Variants in ZNF10 observed in about 807,000 individuals in gnomAD.
ZNF10 encodes zinc finger protein 10 (KOX 1).
ZNF10 carries 8 observed loss-of-function variants against 12.2 expected under a neutral mutation model. The observed-to-expected ratio is 0.66, with a 90% CI of 0.39 to 1.18. The LOEUF (loss-of-function observed/expected upper bound fraction) is 1.18, where lower values mean the gene tolerates loss of function less well. Among genes scored for constraint, ZNF10 ranks in the 50% most tolerant of loss-of-function variants. The probability of loss-of-function intolerance (pLI) is 0.01; values close to 1 mark genes in which losing one functional copy is unlikely to be tolerated. For missense variants in ZNF10, 603 were observed against 678.9 expected, an observed-to-expected ratio of 0.89 and a Z score of 1.24; for synonymous variants, 229 against 228.2, an observed-to-expected ratio of 1.00 and a Z score of -0.03.
In ZNF10 at chr12:133,144,154, A is replaced by G. The variant is rs549240746; in HGVS notation, c.-59-280A>G. 38 of 180,418 alleles carry G rather than the reference A, an allele frequency of 2.1e-4. No individual in the cohort carries two copies. The East Asian group carries it at 4.9e-3, about 23-fold the overall frequency. 11.2% of individuals were successfully genotyped at this position (180,418 alleles called of 1,614,324 possible). On this transcript the variant is annotated intron_variant, in intron 1 of 4. Coordinates refer to ENST00000248211, the MANE Select transcript of ZNF10 (RefSeq NM_015394.5). ...GGTTTGGTATTTTTTTCCGCAAAAA[A>G]AAAATTTGTAATGGTAGGTAGGATC...
rs188147294 is a variant in ZNF10 at position 133,133,445 on chromosome 12, C to T, written c.-60+2691C>T. On this transcript the variant is annotated intron_variant, in intron 1 of 4. Coordinates refer to ENST00000248211, the MANE Select transcript of ZNF10 (RefSeq NM_015394.5). ...GTGCTAAGCACTTTGCTAGCCTCTT[C>T]CCAGGATTTAGAATGAGATTGTCCT... is the stretch of plus-strand genomic sequence containing the variant. Among the ~76,000 whole-genome samples, 3 of 152,286 alleles carry T rather than the reference C, an allele frequency of 2.0e-5. No individual in the cohort carries two copies. The East Asian group carries it at 5.8e-4, about 29-fold the overall frequency.
At chr12:133,151,381 C>T (rs568974641) in intron 3 of ZNF10, among the ~76,000 whole-genome samples, 2 of 152,200 alleles carry the variant, frequency 1.3e-5, no homozygotes, top group African/African-American at 4.8e-5. Context: ...CATGGTGGCT[C>T]ACGCCTGTAA....
At chr12:133,143,772 G>T (rs1593841889) in intron 1 of ZNF10, 1 of 152,410 alleles carries the variant, frequency 6.6e-6, no homozygotes, top group Non-Finnish European at 1.5e-5. Context: ...AGCGGTGCAA[G>T]CACAGCATGG....
At chr12:133,132,708 T>C (rs1047122407) in intron 1 of ZNF10, among the ~76,000 whole-genome samples, 1 of 152,222 alleles carries the variant, frequency 6.6e-6, no homozygotes, top group Admixed American at 6.5e-5. Flanking sequence ...TGTCTGTGTA[T>C]GTGCCTCTTT....
intron 2 of ZNF10, among the ~76,000 whole-genome samples, chr12:133,145,660 TAAGC>T (rs34040775): frequency 0.6 from 90,549 of 150,824 alleles, 28,094 homozygotes; most frequent in African/African-American, 0.72. Flanking sequence ...AATACAAAAA[TAAGC>T]AAGCCAGGCG....
intron 1 of ZNF10, among the ~76,000 whole-genome samples, chr12:133,140,426 G>C: frequency 7.4e-6 from 1 of 134,894 alleles, no homozygotes; most frequent in South Asian, 2.2e-4. Context: ...GTCACTAGAC[G>C]TCTTTTTTTT....
chr12:133,130,880 T>G (rs1296848815), intron 1 of ZNF10, 126 bp downstream of exon 1: 21 of 152,208 alleles, frequency 1.4e-4, no homozygotes, highest in Admixed American at 1.4e-3. Context: ...ATGAAAAAAT[T>G]TAACGGTGAT....
At chr12:133,131,572 C>G (rs529838160) in intron 1 of ZNF10, among the ~76,000 whole-genome samples, 2 of 152,106 alleles carry the variant, frequency 1.3e-5, no homozygotes, top group Non-Finnish European at 2.9e-5. Flanking sequence ...AGTTAGGTCT[C>G]CGAGAACTGG....
chr12:133,157,020 A>T lies in ZNF10; in HGVS notation c.*52A>T. The T allele has an allele frequency of 7.4e-7, 1 of 1,358,260 alleles. No individual in the cohort carries two copies. The highest frequency in any genetic ancestry group is 2.6e-5 in the East Asian group (1 of 38,654). The allele number at this position is 1,358,260 out of a possible 1,614,324, so 84.1% of individuals were successfully genotyped here. A position where few individuals can be genotyped will look rare whatever the true frequency, so the allele number is the denominator to read the frequency against. On this transcript the variant is annotated 3_prime_UTR_variant, in exon 5 of 5. Transcript: ENST00000248211. Reference sequence around the variant, plus strand: ...CAATGACTTTATTTTGCATTGGAGAACTCCTGGAGATAAGCTGTACAAATT... The same window carrying T: ...CAATGACTTTATTTTGCATTGGAGATCTCCTGGAGATAAGCTGTACAAATT...
At chr12:133,131,792 A>G (rs1399694028) in intron 1 of ZNF10, among the ~76,000 whole-genome samples, 3 of 152,204 alleles carry the variant, frequency 2.0e-5, no homozygotes, top group Admixed American at 1.3e-4. Flanking sequence ...CTCTTAGTAT[A>G]TGCTAGTCAC....
rs1385197072 is a variant in ZNF10 at position 133,159,051 on chromosome 12, C to T, written c.*2083C>T. On this transcript the variant is annotated 3_prime_UTR_variant, in exon 5 of 5. Transcript: ENST00000248211. ...TGCTAATAACCTGTGGCTCAATTTCCTCAACTGTATAATGAGGTTACTACT... is the reference window on the plus strand; with the variant it reads ...TGCTAATAACCTGTGGCTCAATTTCTTCAACTGTATAATGAGGTTACTACT... 1 of 152,206 alleles carries T rather than the reference C, an allele frequency of 6.6e-6. No individual in the cohort carries two copies. The highest frequency in any genetic ancestry group is 1.5e-5 in the Non-Finnish European group (1 of 68,030). The allele number at this position is 152,206 out of a possible 1,614,324, so 9.4% of individuals were successfully genotyped here.
At chr12:133,144,777 G>A (rs1017865160) in intron 2 of ZNF10, 1 of 492,410 alleles carries the variant, frequency 2.0e-6, no homozygotes, top group Non-Finnish European at 3.7e-6. Flanking sequence ...ATGACAGAAT[G>A]GAATGAGATT....
At chr12:133,142,326 C>T (rs1955949865) in intron 1 of ZNF10, among the ~76,000 whole-genome samples, 1 of 145,924 alleles carries the variant, frequency 6.9e-6, no homozygotes. Flanking sequence ...ACAAGAATTG[C>T]TTGAACCTGG....
intron 2 of ZNF10, among the ~76,000 whole-genome samples, chr12:133,147,040 G>A (rs998128184): frequency 6.6e-6 from 1 of 152,096 alleles, no homozygotes; most frequent in African/African-American, 2.4e-5. Context: ...CTTTCATATA[G>A]CATAATGTAT....
intron 2 of ZNF10, among the ~76,000 whole-genome samples, chr12:133,147,166 T>G (rs1186854322): frequency 6.6e-6 from 1 of 152,254 alleles, no homozygotes; most frequent in Non-Finnish European, 1.5e-5. Flanking sequence ...GAGGGACATT[T>G]GAGTTTCTTC....
chr12:133,146,912 CT>C (rs1421440832), intron 2 of ZNF10, among the ~76,000 whole-genome samples: 1 of 152,020 alleles, frequency 6.6e-6, no homozygotes, highest in East Asian at 1.9e-4. Context: ...TGTGCTGCCC[CT>C]GTGTATATAG....
At chr12:133,153,315 A>T (rs551440961) in intron 4 of ZNF10, among the ~76,000 whole-genome samples, 59 of 152,288 alleles carry the variant, frequency 3.9e-4, no homozygotes, top group African/African-American at 1.3e-3. Context: ...TAGTTGATTG[A>T]TGGGTCCAAC....
At chr12:133,152,673 T>C (rs61951790) in intron 4 of ZNF10, among the ~76,000 whole-genome samples, 27,712 of 152,124 alleles carry the variant, frequency 0.18, 3,232 homozygotes, top group Non-Finnish European at 0.26. Flanking sequence ...ACCTCGGCCT[T>C]CCAAAGTGCT....
chr12:133,155,089 AAGAGAG>A (rs916920729), intron 4 of ZNF10, among the ~76,000 whole-genome samples: 1 of 152,066 alleles, frequency 6.6e-6, no homozygotes, highest in African/African-American at 2.4e-5. Context: ...AAAAAAAAAA[AAGAGAG>A]AGAATACTAA....
Sources: allele counts gnomAD v4.1 joint callset (sites outside exome capture counted in the v4.1 genomes callset), GRCh38; gene constraint gnomAD v4.1.1; transcripts MANE v1.5; gene names NCBI Gene and HGNC (gene_info 2026-07-23, HGNC 2026-07-21).